TNFRSF21: variants seen among roughly 807,000 people sequenced by gnomAD.
TNFRSF21 encodes the protein TNF receptor superfamily member 21.
In TNFRSF21, 19 loss-of-function variants were observed where a neutral mutation model predicts 45.6. That is an observed-to-expected ratio of 0.42 (90% CI 0.29 to 0.61). The LOEUF (loss-of-function observed/expected upper bound fraction) is 0.61, where lower values mean the gene tolerates loss of function less well. Among genes scored for constraint, TNFRSF21 ranks in the 20% least tolerant of loss-of-function variants. TNFRSF21 has a pLI of 0.23. For missense variants in TNFRSF21, 737 were observed against 851.5 expected, an observed-to-expected ratio of 0.87 and a Z score of 1.67; for synonymous variants, 314 against 335.5, an observed-to-expected ratio of 0.94 and a Z score of 0.70.
At chr6:47,236,975 AT>A (rs1038235631) in intron 4 of TNFRSF21, among the ~76,000 whole-genome samples, 3 of 151,960 alleles carry the variant, frequency 2.0e-5, no homozygotes, top group Non-Finnish European at 4.4e-5. Context: ...GAAATGTTTA[AT>A]TTCCCCCCCC....
chr6:47,309,625 C>T lies in TNFRSF21; in HGVS notation c.-114G>A. On this transcript the variant is annotated 5_prime_UTR_variant, in exon 1 of 6. Transcript: ENST00000296861. ...GCCTCCCGGGCCGGGAGCCCATCTA[C>T]CTCCAACACCCCATGTGCACTGCTG... 3 of 1,338,980 alleles carry T rather than the reference C, an allele frequency of 2.2e-6. No homozygotes were observed. The highest frequency in any genetic ancestry group is 2.9e-6 in the Non-Finnish European group (3 of 1,044,260). The allele number at this position is 1,338,980 out of a possible 1,614,324, so 82.9% of individuals were successfully genotyped here.
intron 1 of TNFRSF21, among the ~76,000 whole-genome samples, chr6:47,303,407 C>A (rs1324430218): frequency 6.6e-6 from 1 of 152,194 alleles, no homozygotes; most frequent in Non-Finnish European, 1.5e-5. Flanking sequence ...CCCACCCACA[C>A]CCTGCTCAGT....
intron 3 of TNFRSF21, among the ~76,000 whole-genome samples, chr6:47,255,471 G>GT (rs1203252540): frequency 1.4e-5 from 2 of 144,946 alleles, no homozygotes; most frequent in African/African-American, 5.2e-5. Flanking sequence ...TTTTTTTTTT[G>GT]TTTTTTTGAG....
At chr6:47,284,457 G>T in intron 2 of TNFRSF21, 25 bp from the exon 3 acceptor site, 1 of 1,504,972 alleles carries the variant, frequency 6.6e-7, no homozygotes. Context: ...AAGGAGGGGG[G>T]AAGAGCTTTT....
chr6:47,280,092 G>T (rs376840950), intron 3 of TNFRSF21, among the ~76,000 whole-genome samples: 2 of 152,136 alleles, frequency 1.3e-5, no homozygotes, highest in African/African-American at 4.8e-5. Flanking sequence ...GTTTTTGTTC[G>T]CAAGAAAGAC....
chr6:47,234,538 T>C (rs1435973840), intron 5 of TNFRSF21, 132 bp downstream of exon 5: 7 of 749,274 alleles, frequency 9.3e-6, no homozygotes, highest in East Asian at 2.9e-5. Context: ...AGTTTTGGAC[T>C]GGTCTTCCTG....
At chr6:47,281,429 G>A (rs1272835436) in intron 3 of TNFRSF21, among the ~76,000 whole-genome samples, 8 of 150,550 alleles carry the variant, frequency 5.3e-5, no homozygotes, top group East Asian at 1.9e-4. Context: ...GGCCCAGGCC[G>A]GAGTGCAGCG....
intron 3 of TNFRSF21, among the ~76,000 whole-genome samples, chr6:47,267,224 G>A (rs1041898246): frequency 1.3e-5 from 2 of 151,650 alleles, no homozygotes; most frequent in Non-Finnish European, 2.9e-5. Flanking sequence ...TCAGCCTCCT[G>A]AGTAGCTGGG....
At position 47,285,967 on chromosome 6, in the gene TNFRSF21, GGGACTTCATGGGTTT is replaced by G; in HGVS notation, c.710_724del (p.Glu237_Pro242delinsAla). 6.2e-7 allele frequency: 1 copy of G among 1,614,174 alleles called. No homozygotes were observed. Among genetic ancestry groups the G allele is most frequent in the Non-Finnish European group, 8.5e-7 (1 of 1,180,016 alleles). On this transcript the variant is annotated inframe_deletion, in exon 2 of 6. Coordinates refer to ENST00000296861, the MANE Select transcript of TNFRSF21 (RefSeq NM_014452.5). ...ACCTTTGGGAACATAAGTGGAGGAA[GGGACTTCATGGGTTT>G]CCATGTGCTCAGGGCGTGGAAAGAT... is the stretch of plus-strand genomic sequence containing the variant.
chr6:47,276,101 C>T (rs1762493241), intron 3 of TNFRSF21, among the ~76,000 whole-genome samples: 1 of 152,134 alleles, frequency 6.6e-6, no homozygotes, highest in African/African-American at 2.4e-5. Flanking sequence ...TGAGATCATC[C>T]AGCCTTTTAG....
intron 3 of TNFRSF21, among the ~76,000 whole-genome samples, chr6:47,259,150 A>G (rs780140455): frequency 1.6e-4 from 24 of 152,378 alleles, no homozygotes; most frequent in Middle Eastern, 6.8e-3. Flanking sequence ...AAATGACAGT[A>G]AGTGACATGG....
At chr6:47,259,761 T>G (rs1005343760) in intron 3 of TNFRSF21, among the ~76,000 whole-genome samples, 1 of 152,170 alleles carries the variant, frequency 6.6e-6, no homozygotes, top group African/African-American at 2.4e-5. Flanking sequence ...AGTCAAGCCC[T>G]ATACATCCGA....
chr6:47,242,338 C>T (rs925126757), intron 4 of TNFRSF21, among the ~76,000 whole-genome samples: 1 of 152,268 alleles, frequency 6.6e-6, no homozygotes, highest in East Asian at 1.9e-4. Flanking sequence ...TAGCTGGTCA[C>T]GGTGGGTTTC....
At chr6:47,239,898 C>A (rs1044151236) in intron 4 of TNFRSF21, among the ~76,000 whole-genome samples, 8 of 152,094 alleles carry the variant, frequency 5.3e-5, no homozygotes, top group Admixed American at 3.3e-4. Flanking sequence ...TCCAAGTTAC[C>A]CCCACCTGAA....
intron 1 of TNFRSF21, among the ~76,000 whole-genome samples, chr6:47,293,887 T>G (rs576877447): frequency 1.3e-5 from 2 of 152,232 alleles, no homozygotes; most frequent in Non-Finnish European, 2.9e-5. Context: ...CCAGTATGGC[T>G]ACCACAATAC....
At position 47,232,829 on chromosome 6, in the gene TNFRSF21, T is replaced by C. The variant is rs148679512; in HGVS notation, c.1904A>G (p.Lys635Arg). Reference protein sequence around the residue: ...LDRLFEIIGVKSQEASQTLLD... With the variant: ...LDRLFEIIGVRSQEASQTLLD... ...GAGGGTCTGGCTGGCTTCCTGGCTC[T>C]TGACTCCAATAATTTCGAATAGCCG... The change falls in exon 6 of 6, where the codon AAG (lysine) becomes AGG (arginine). Residue 635 changes from lysine (K) to arginine (R), a missense_variant. Lys to Arg is a conservative substitution (Grantham distance 26, BLOSUM62 2). Coordinates refer to ENST00000296861, the MANE Select transcript of TNFRSF21 (RefSeq NM_014452.5). 6.2e-7 allele frequency: 1 copy of C among 1,614,232 alleles called. No individual in the cohort carries two copies. Among genetic ancestry groups the C allele is most frequent in the Non-Finnish European group, 8.5e-7 (1 of 1,180,044 alleles).
In TNFRSF21 at chr6:47,284,050, C is replaced by T. The variant is rs144082729; in HGVS notation, c.1131G>A (p.Leu377=). The change falls in exon 3 of 6, where the codon CTG becomes CTA. Residue 377 remains leucine (L), a synonymous_variant. Transcript: ENST00000296861. ...VCSIRKSSRT[L]KKGPRQDPSA... The stretch of plus-strand genomic sequence containing the variant: ...TGGGATCCTGCCGGGGCCCCTTTTT[C>T]AGAGTCCTCGAGCTTTTCCGGATAC... 4.3e-6 allele frequency: 7 copies of T among 1,614,092 alleles called. No individual in the cohort carries two copies. The African/African-American group carries it at 9.3e-5, about 22-fold the overall frequency.
At chr6:47,255,615 C>A (rs897844170) in intron 3 of TNFRSF21, among the ~76,000 whole-genome samples, 2 of 152,128 alleles carry the variant, frequency 1.3e-5, no homozygotes, top group African/African-American at 4.8e-5. Context: ...ACACCCACCA[C>A]CACACCCAGC....
rs190729770 is a variant in TNFRSF21 at position 47,287,794 on chromosome 6, A to G, written c.97-1199T>C. On this transcript the variant is annotated intron_variant, in intron 1 of 5. Coordinates refer to ENST00000296861, the MANE Select transcript of TNFRSF21 (RefSeq NM_014452.5). ...TATTCAAATAGCCAATAAAGGACAA[A>G]AACGTAAAACTTCATTATTAATTAA... 1.0e-3 allele frequency among the ~76,000 whole-genome samples: 159 copies of G among 152,358 alleles called. 1 individual carries two copies. The highest frequency in any genetic ancestry group is 2.9e-3 in the Admixed American group (45 of 15,306).
Sources: gnomAD v4.1 joint callset for allele counts (sites outside exome capture counted in the v4.1 genomes callset) on GRCh38, gnomAD v4.1.1 for gene constraint, MANE v1.5 for transcripts, NCBI Gene and HGNC (gene_info 2026-07-23, HGNC 2026-07-21) for gene names.